Variants in DSCAM observed in about 807,000 individuals in gnomAD.
DSCAM encodes the protein cell adhesion molecule DSCAM.
Under a neutral mutation model 217.7 loss-of-function variants are expected in DSCAM, and 47 were observed. That is an observed-to-expected ratio of 0.22 (90% confidence interval 0.17 to 0.28). The LOEUF is 0.28. DSCAM is among the 10% of genes least tolerant of loss of function. The probability of loss-of-function intolerance (pLI) is 1.00; values close to 1 mark genes in which losing one functional copy is unlikely to be tolerated. For missense variants in DSCAM, 2,080 were observed against 2,618.3 expected (o/e 0.79, Z 4.49); for synonymous variants, 1,056 against 1,015.3 (o/e 1.04, Z -0.76).
chr21:40,123,814 A>G (rs1402789253), intron 20 of DSCAM, among the ~76,000 whole-genome samples: 2 of 146,840 alleles, frequency 1.4e-5, no homozygotes, highest in Non-Finnish European at 3.0e-5. Context: ...AGGGAGGGAG[A>G]AGGGAGGGAG....
At chr21:40,270,655 G>A (rs976199282) in intron 11 of DSCAM, among the ~76,000 whole-genome samples, 5 of 152,262 alleles carry the variant, frequency 3.3e-5, no homozygotes, top group African/African-American at 9.6e-5. Context: ...GAGGGGCTTG[G>A]TGGGAGGTGA....
Position 40,276,973 on chromosome 21 carries a change from A to T in DSCAM, c.2183-703T>A, listed in dbSNP as rs1045106066. On this transcript the variant is annotated intron_variant, in intron 10 of 32. Coordinates refer to ENST00000400454, the MANE Select transcript of DSCAM (RefSeq NM_001389.5). ...ATGAAGGATTTATATACAACTGGGT[A>T]AAAAAAAAAAGGATTTTAGAAATAA... Among the ~76,000 whole-genome samples the T allele has an allele frequency of 7.4e-5, 9 of 121,966 alleles. No individual in the cohort carries two copies. In the East Asian group the frequency reaches 1.8e-3, roughly 25 times the overall value. 80.0% of individuals were successfully genotyped at this position (121,966 alleles called of 152,430 possible). A position where few individuals can be genotyped will look rare whatever the true frequency, so the allele number is the denominator to read the frequency against.
chr21:40,731,828 A>C (rs2091015813), intron 1 of DSCAM, among the ~76,000 whole-genome samples: 1 of 145,076 alleles, frequency 6.9e-6, no homozygotes, highest in South Asian at 2.2e-4. Flanking sequence ...TCCCGGGTTC[A>C]AGTGATTCTC....
At chr21:40,194,881 C>G (rs531234838) in intron 11 of DSCAM, among the ~76,000 whole-genome samples, 3 of 152,170 alleles carry the variant, frequency 2.0e-5, no homozygotes, top group East Asian at 1.9e-4. Context: ...CTGAAATTGG[C>G]GAGTGCTAGA....
chr21:40,083,978 G>T lies in DSCAM; in HGVS notation c.4161C>A (p.Val1387=). The T allele has an allele frequency of 6.2e-7, 1 of 1,613,712 alleles. No individual in the cohort carries two copies. Residue 1387 remains valine, a synonymous_variant, in exon 24 of 33, where the codon GTC becomes GTA. Transcript: ENST00000400454. ...QVPPDQPRLT[V]SKTTSSSITL... is the part of the protein sequence containing the mutation. ...TGATGGAGGAAGACGTGGTCTTGGA[G>T]ACTGTAAGCCGAGGCTGATCTGGTG...
intron 1 of DSCAM, among the ~76,000 whole-genome samples, chr21:40,814,438 A>G (rs1372700640): frequency 6.6e-6 from 1 of 152,240 alleles, no homozygotes; most frequent in East Asian, 1.9e-4. Flanking sequence ...GAGAAGTGCA[A>G]AATCTCTCTT....
At chr21:40,439,906 C>T (rs1032784904) in intron 3 of DSCAM, among the ~76,000 whole-genome samples, 6 of 152,206 alleles carry the variant, frequency 3.9e-5, no homozygotes, top group Non-Finnish European at 7.3e-5. Flanking sequence ...CCTCCCACAA[C>T]ACATGGGAAT....
Position 40,347,925 on chromosome 21 carries a change from T to G in DSCAM, c.955A>C (p.Ser319Arg), listed in dbSNP as rs1569077181. ...ACGCTGCTTTTAACCTTCCTGGGAC[T>G]GATGGTGGCTTTCAGTGGCTCTGGA... ...YVKQPLKATI[S>R]PRKVKSSVGS... is the part of the protein sequence containing the mutation. The change falls in exon 6 of 33, where the codon AGT (serine) becomes CGT (arginine). Residue 319 changes from serine (S) to arginine (R), a missense_variant. Ser to Arg is a moderately radical substitution (Grantham distance 110). Transcript: ENST00000400454. 2 of 1,612,752 alleles carry G rather than the reference T, an allele frequency of 1.2e-6. No homozygotes were observed. Among genetic ancestry groups the G allele is most frequent in the Non-Finnish European group, 1.7e-6 (2 of 1,178,996 alleles).
intron 1 of DSCAM, among the ~76,000 whole-genome samples, chr21:40,845,209 T>G (rs933586731): frequency 1.3e-5 from 2 of 152,244 alleles, no homozygotes; most frequent in Non-Finnish European, 2.9e-5. Flanking sequence ...AATCTCAAAA[T>G]GAAAGTTTCA....
At chr21:40,388,132 T>A (rs1038787023) in intron 3 of DSCAM, among the ~76,000 whole-genome samples, 1 of 94,144 alleles carries the variant, frequency 1.1e-5, no homozygotes, top group African/African-American at 5.4e-5. Context: ...TTTCCCAGTA[T>A]TGATAAGAAC....
intron 16 of DSCAM, among the ~76,000 whole-genome samples, chr21:40,166,683 C>G (rs949731069): frequency 4.6e-5 from 7 of 152,204 alleles, no homozygotes; most frequent in Non-Finnish European, 7.3e-5. Flanking sequence ...TAACCAGCAG[C>G]CAGTCTGCCT....
At chr21:40,803,725 C>T (rs373335265) in intron 1 of DSCAM, among the ~76,000 whole-genome samples, 30 of 151,846 alleles carry the variant, frequency 2.0e-4, no homozygotes, top group African/African-American at 7.3e-4. Flanking sequence ...GGGTAATGAA[C>T]TCCAACTTGG....
chr21:40,329,753 C>T (rs1401403597), intron 8 of DSCAM, among the ~76,000 whole-genome samples: 1 of 151,814 alleles, frequency 6.6e-6, no homozygotes, highest in Non-Finnish European at 1.5e-5. Context: ...TATGGATGAA[C>T]CTGGAGAACA....
At chr21:40,563,802 TTA>T (rs1178019182) in intron 3 of DSCAM, among the ~76,000 whole-genome samples, 7 of 148,226 alleles carry the variant, frequency 4.7e-5, no homozygotes, top group Admixed American at 2.0e-4. Flanking sequence ...TTATATATAG[TTA>T]TATGTGTATA....
intron 3 of DSCAM, among the ~76,000 whole-genome samples, chr21:40,433,279 G>T (rs980627545): frequency 4.0e-5 from 6 of 151,368 alleles, no homozygotes; most frequent in Non-Finnish European, 5.9e-5. Flanking sequence ...AACTCGGGAG[G>T]TGGAGACTGC....
At chr21:40,435,216 C>A (rs1232314915) in intron 3 of DSCAM, among the ~76,000 whole-genome samples, 1 of 152,206 alleles carries the variant, frequency 6.6e-6, no homozygotes, top group African/African-American at 2.4e-5. Context: ...AAGCGGAATC[C>A]TCTTGGCTTA....
intron 1 of DSCAM, among the ~76,000 whole-genome samples, chr21:40,723,300 G>A (rs1317272218): frequency 6.6e-6 from 1 of 152,038 alleles, no homozygotes; most frequent in Non-Finnish European, 1.5e-5. Flanking sequence ...CGGGGTCTGT[G>A]CTGGTACTAG....
intron 3 of DSCAM, among the ~76,000 whole-genome samples, chr21:40,510,329 T>A (rs184422531): frequency 7.6e-4 from 116 of 152,312 alleles, no homozygotes; most frequent in African/African-American, 2.6e-3. Context: ...AATTTTCTAG[T>A]GGCATTTTAG....
At chr21:40,365,291 A>G (rs1434619227) in intron 4 of DSCAM, among the ~76,000 whole-genome samples, 6 of 152,088 alleles carry the variant, frequency 3.9e-5, no homozygotes, top group Admixed American at 2.0e-4. Flanking sequence ...AGGAACATGG[A>G]AAGACTAGAC....
Sources: gnomAD v4.1 joint callset for allele counts (sites outside exome capture counted in the v4.1 genomes callset) on GRCh38, gnomAD v4.1.1 for gene constraint, MANE v1.5 for transcripts, NCBI Gene and HGNC (gene_info 2026-07-23, HGNC 2026-07-21) for gene names.